Variants in RALGPS1 observed in about 807,000 individuals in gnomAD.
The protein encoded by RALGPS1 is ras-specific guanine nucleotide-releasing factor RalGPS1.
In RALGPS1, 19 loss-of-function variants were observed where a neutral mutation model predicts 78.8. The ratio of observed to expected loss-of-function variants is 0.24; its 90% CI spans 0.17 to 0.35. The LOEUF is 0.35. Among genes scored for constraint, RALGPS1 ranks in the 10% least tolerant of loss-of-function variants. The pLI is 1.00. For missense variants in RALGPS1, 454 were observed against 688.3 expected, an observed-to-expected ratio of 0.66 and a Z score of 3.81; for synonymous variants, 228 against 256.3, an observed-to-expected ratio of 0.89 and a Z score of 1.06.
chr9:126,954,686 C>T (rs1487735505), intron 1 of RALGPS1, among the ~76,000 whole-genome samples: 1 of 152,214 alleles, frequency 6.6e-6, no homozygotes, highest in Admixed American at 6.5e-5. Flanking sequence ...CCTGTAATCC[C>T]AGCTATTCGA....
chr9:127,199,962 C>T (rs1047889605), intron 14 of RALGPS1, among the ~76,000 whole-genome samples: 2 of 147,850 alleles, frequency 1.4e-5, no homozygotes, highest in African/African-American at 4.9e-5. Context: ...CACATATACC[C>T]ATGCACACAC....
intron 4 of RALGPS1, among the ~76,000 whole-genome samples, chr9:126,985,276 C>T (rs932561534): frequency 6.6e-6 from 1 of 152,182 alleles, no homozygotes; most frequent in Admixed American, 6.5e-5. Context: ...TTGACCTGAA[C>T]TGACCCGAAG....
At chr9:127,163,802 C>G (rs972308715) in intron 8 of RALGPS1, among the ~76,000 whole-genome samples, 1 of 152,194 alleles carries the variant, frequency 6.6e-6, no homozygotes, top group South Asian at 2.1e-4. Flanking sequence ...GCTCATCTAT[C>G]CATGCACAAA....
chr9:127,053,950 C>T (rs997151274), intron 7 of RALGPS1, among the ~76,000 whole-genome samples: 11 of 152,182 alleles, frequency 7.2e-5, no homozygotes, highest in African/African-American at 1.4e-4. Flanking sequence ...CATATCAACT[C>T]GGGGAGGTTG....
chr9:127,026,772 G>C (rs1196190191), intron 4 of RALGPS1, among the ~76,000 whole-genome samples: 1 of 152,228 alleles, frequency 6.6e-6, no homozygotes, highest in Admixed American at 6.5e-5. Flanking sequence ...GGATAGCCAA[G>C]TGGCCTGGGC....
intron 11 of RALGPS1, among the ~76,000 whole-genome samples, chr9:127,193,813 G>A (rs567107229): frequency 6.6e-6 from 1 of 152,246 alleles, no homozygotes; most frequent in Admixed American, 6.5e-5. Flanking sequence ...GGTGTTCTCT[G>A]CAGGAAGCAG....
At chr9:127,179,881 A>G (rs1255890115) in intron 11 of RALGPS1, among the ~76,000 whole-genome samples, 1 of 152,142 alleles carries the variant, frequency 6.6e-6, no homozygotes, top group Non-Finnish European at 1.5e-5. Flanking sequence ...TGAGGCCTTG[A>G]TTCAAGTCCG....
Position 127,183,216 on chromosome 9 carries a change from G to A in RALGPS1, c.910+8434G>A, listed in dbSNP as rs1298249884. 6.6e-6 allele frequency among the ~76,000 whole-genome samples: 1 copy of A among 152,178 alleles called. No individual in the cohort carries two copies. The highest frequency in any genetic ancestry group is 1.5e-5 in the Non-Finnish European group (1 of 68,034). On this transcript the variant is annotated intron_variant, in intron 11 of 18. Coordinates refer to ENST00000259351, the MANE Select transcript of RALGPS1 (RefSeq NM_014636.3). This position sits in a 1 kb window ranked among gnomAD's most constrained non-coding sequence, Gnocchi z 4.0. The stretch of plus-strand genomic sequence containing the variant: ...GGAATCACATTTCAACATGACATTT[G>A]GAGGGGCAAACCATTTCACAGGGCC...
chr9:127,042,002 C>T (rs970957718), intron 5 of RALGPS1, among the ~76,000 whole-genome samples: 2 of 152,208 alleles, frequency 1.3e-5, no homozygotes, highest in Non-Finnish European at 2.9e-5. Flanking sequence ...TGCTTTCAAA[C>T]TCTTGGTTTC....
intron 4 of RALGPS1, among the ~76,000 whole-genome samples, chr9:127,030,206 G>C (rs552169538): frequency 6.6e-6 from 1 of 152,282 alleles, no homozygotes; most frequent in African/African-American, 2.4e-5. Flanking sequence ...TTGGACGGGA[G>C]CTCAGGAGAG....
chr9:127,063,880 A>G (rs1564512072), intron 7 of RALGPS1, among the ~76,000 whole-genome samples: 5 of 152,204 alleles, frequency 3.3e-5, no homozygotes, highest in African/African-American at 1.2e-4. Flanking sequence ...TTTTCCAAGT[A>G]ATTGGGTTTT....
chr9:127,108,654 A>C (rs1589524374), intron 8 of RALGPS1: 1 of 1,613,096 alleles, frequency 6.2e-7, no homozygotes, highest in African/African-American at 1.3e-5. Context: ...TGCCCTCAAA[A>C]CCGTCCTCCT....
chr9:127,057,255 G>A (rs1005231157), intron 7 of RALGPS1, among the ~76,000 whole-genome samples: 1 of 152,156 alleles, frequency 6.6e-6, no homozygotes, highest in African/African-American at 2.4e-5. Context: ...CTAGAGAAAT[G>A]CAGCTAGCAC....
chr9:127,198,945 C>T (rs767344256), intron 13 of RALGPS1, 70 bp from the exon 14 acceptor site: 57 of 1,403,678 alleles, frequency 4.1e-5, no homozygotes, highest in East Asian at 1.6e-4. Context: ...GGCCTGGGCT[C>T]GGTGACCCAG....
intron 8 of RALGPS1, 132 bp downstream of exon 8, chr9:127,069,488 C>G (rs932113400): frequency 9.5e-7 from 1 of 1,047,814 alleles, no homozygotes; most frequent in Non-Finnish European, 1.4e-6. Flanking sequence ...TTGGTTGGCT[C>G]TTTGGGTTGG....
chr9:127,218,852 G>T lies in RALGPS1; in HGVS notation c.*83G>T. 6.7e-7 allele frequency: 1 copy of T among 1,483,484 alleles called. No individual in the cohort carries two copies. The allele number at this position is 1,483,484 out of a possible 1,614,324, so 91.9% of individuals were successfully genotyped here. On this transcript the variant is annotated 3_prime_UTR_variant, in exon 19 of 19. Coordinates refer to ENST00000259351, the MANE Select transcript of RALGPS1 (RefSeq NM_014636.3). This position sits in a 1 kb window ranked among gnomAD's most constrained non-coding sequence, Gnocchi z 4.4. ...TGGTGAAGAGCAGTCCTGGGCACAG[G>T]CTGTGAGCCAGGGTGCTGGGAAACT...
At chr9:126,983,297 C>T (rs2041500593) in intron 4 of RALGPS1, among the ~76,000 whole-genome samples, 1 of 151,774 alleles carries the variant, frequency 6.6e-6, no homozygotes, top group Non-Finnish European at 1.5e-5. Flanking sequence ...TATGCACATA[C>T]TGGGTTTATA....
intron 8 of RALGPS1, among the ~76,000 whole-genome samples, chr9:127,139,618 C>A (rs1211903988): frequency 6.6e-6 from 1 of 152,178 alleles, no homozygotes; most frequent in Non-Finnish European, 1.5e-5. Context: ...TTTGCAGGGC[C>A]CTGGGCCAGT....
chr9:126,996,025 C>G (rs2042717230), intron 4 of RALGPS1, among the ~76,000 whole-genome samples: 1 of 151,970 alleles, frequency 6.6e-6, no homozygotes, highest in Non-Finnish European at 1.5e-5. Flanking sequence ...GAGACACATT[C>G]AAAGCAGTGT....
Sources: allele counts gnomAD v4.1 joint callset (sites outside exome capture counted in the v4.1 genomes callset), GRCh38; gene constraint gnomAD v4.1.1; non-coding constraint Gnocchi (gnomAD v3.1); transcripts MANE v1.5; gene names NCBI Gene and HGNC (gene_info 2026-07-23, HGNC 2026-07-21).